LRRC4C: variants seen among roughly 807,000 people sequenced by gnomAD.
The protein encoded by LRRC4C is leucine rich repeat containing 4C.
In LRRC4C, 5 loss-of-function variants were observed where a neutral mutation model predicts 33.6. The observed-to-expected ratio is 0.15, with a 90% CI of 0.08 to 0.31. The LOEUF (loss-of-function observed/expected upper bound fraction) is 0.31. Among genes scored for constraint, LRRC4C ranks in the 10% least tolerant of loss-of-function variants. The pLI is 1.00. For synonymous variants in LRRC4C, 329 were observed against 302.0 expected (o/e 1.09, Z -0.93); for missense variants, 560 against 796.7 (o/e 0.70, Z 3.58).
intron 1 of LRRC4C, among the ~76,000 whole-genome samples, chr11:41,263,158 T>C (rs1412468947): frequency 6.6e-6 from 1 of 152,198 alleles, no homozygotes; most frequent in Non-Finnish European, 1.5e-5. Context: ...TAACCAAAAC[T>C]GTTGGTTTGA....
At chr11:40,617,322 G>A (rs1371981101) in intron 3 of LRRC4C, among the ~76,000 whole-genome samples, 2 of 151,662 alleles carry the variant, frequency 1.3e-5, no homozygotes, top group Non-Finnish European at 3.0e-5. Flanking sequence ...TAGGTCTAAA[G>A]AATTCCATAT....
Position 40,299,570 on chromosome 11 carries a change from T to C in LRRC4C, c.-176+20058A>G, listed in dbSNP as rs141279638. 3.3e-5 allele frequency among the ~76,000 whole-genome samples: 5 copies of C among 152,382 alleles called. No homozygotes were observed. In the East Asian group the frequency reaches 9.6e-4, roughly 29 times the overall value. ...TTTGTAATGCATAGGAAAAGATTCA[T>C]AGTTTAAATACAAAAATAGTTCTTG... On this transcript the variant is annotated intron_variant, in intron 4 of 6. Transcript: ENST00000528697.
chr11:41,306,021 T>TA lies in LRRC4C; in HGVS notation c.-496+153409dup, dbSNP rs1158183443. ...CCCTGGGCCCCCTTATTTCTTTCTC[T>TA]AAAAAAAAAAAAAAAAAAAGAAAGA... On this transcript the variant is annotated intron_variant, in intron 1 of 6. Coordinates refer to ENST00000528697, the MANE Select transcript of LRRC4C (RefSeq NM_001258419.2). Among the ~76,000 whole-genome samples the TA allele has an allele frequency of 5.2e-3, 573 of 110,398 alleles. 5 individuals carry two copies. Among genetic ancestry groups the TA allele is most frequent in the African/African-American group, 9.4e-3 (318 of 33,738 alleles). The allele number at this position is 110,398 out of a possible 152,430, so 72.4% of individuals were successfully genotyped here. A position where few individuals can be genotyped will look rare whatever the true frequency, so the allele number is the denominator to read the frequency against.
At chr11:40,867,310 T>C (rs1027463355) in intron 2 of LRRC4C, among the ~76,000 whole-genome samples, 1 of 152,312 alleles carries the variant, frequency 6.6e-6, no homozygotes, top group Admixed American at 6.5e-5. Flanking sequence ...AGATGAGGGC[T>C]TGACTTCAAT....
chr11:41,111,775 A>C (rs1941844249), intron 1 of LRRC4C, among the ~76,000 whole-genome samples: 1 of 152,020 alleles, frequency 6.6e-6, no homozygotes, highest in Non-Finnish European at 1.5e-5. Context: ...TTCCCTGTCT[A>C]GATTTTACAT....
intron 1 of LRRC4C, among the ~76,000 whole-genome samples, chr11:41,143,420 A>C (rs952306686): frequency 6.6e-6 from 1 of 152,144 alleles, no homozygotes; most frequent in African/African-American, 2.4e-5. Context: ...AAATAAACAA[A>C]GAAAAACAAA....
intron 2 of LRRC4C, among the ~76,000 whole-genome samples, chr11:40,671,944 C>G (rs1944144741): frequency 6.6e-6 from 1 of 152,044 alleles, no homozygotes; most frequent in Non-Finnish European, 1.5e-5. Context: ...ACTTAGTAAA[C>G]AATTGGTTGA....
At chr11:40,296,272 G>A (rs1046230439) in intron 4 of LRRC4C, among the ~76,000 whole-genome samples, 67 of 152,058 alleles carry the variant, frequency 4.4e-4, no homozygotes, top group African/African-American at 1.5e-3. Context: ...CCTTGAATTC[G>A]TCACATGGCT....
intron 3 of LRRC4C, among the ~76,000 whole-genome samples, chr11:40,490,796 A>G (rs1001040490): frequency 3.3e-5 from 5 of 152,172 alleles, no homozygotes; most frequent in African/African-American, 1.2e-4. Context: ...ACTTCTCAGG[A>G]TTATTTTAAA....
rs189006616 is a variant in LRRC4C, at chr11:40,209,992, A to G, written c.-96+31527T>C. 1.6e-4 allele frequency among the ~76,000 whole-genome samples: 24 copies of G among 152,310 alleles called. No homozygotes were observed. The East Asian group carries it at 4.1e-3, about 26-fold the overall frequency. On this transcript the variant is annotated intron_variant, in intron 5 of 6. Coordinates refer to ENST00000528697, the MANE Select transcript of LRRC4C (RefSeq NM_001258419.2). ...GTAGTACATCACACACTTGGATAGT[A>G]CAGGATCCTTTAGGAAGAGATGTGA...
At chr11:40,519,702 C>A (rs1955727604) in intron 3 of LRRC4C, among the ~76,000 whole-genome samples, 2 of 152,128 alleles carry the variant, frequency 1.3e-5, no homozygotes, top group African/African-American at 4.8e-5. Context: ...AAAGGATTCA[C>A]CATTCTAGGG....
chr11:40,382,525 T>C (rs1271799619), intron 3 of LRRC4C, among the ~76,000 whole-genome samples: 1 of 151,118 alleles, frequency 6.6e-6, no homozygotes, highest in Non-Finnish European at 1.5e-5. Context: ...CAACCCTCTT[T>C]ATTTATTATT....
At chr11:41,280,803 G>A (rs747151424) in intron 1 of LRRC4C, among the ~76,000 whole-genome samples, 8 of 151,900 alleles carry the variant, frequency 5.3e-5, no homozygotes, top group Non-Finnish European at 1.2e-4. Context: ...GAAAAGGCAG[G>A]GAAATCTAAT....
chr11:40,615,086 T>C (rs530824503), intron 3 of LRRC4C, among the ~76,000 whole-genome samples: 3 of 151,200 alleles, frequency 2.0e-5, no homozygotes, highest in Non-Finnish European at 4.4e-5. Flanking sequence ...TTTGTAAAAA[T>C]TGCAAAATAT....
chr11:40,362,015 G>A (rs1316405688), intron 3 of LRRC4C, among the ~76,000 whole-genome samples: 3 of 152,068 alleles, frequency 2.0e-5, no homozygotes, highest in African/African-American at 4.8e-5. Flanking sequence ...AATGGGGAAA[G>A]GATTCCCTAT....
intron 1 of LRRC4C, among the ~76,000 whole-genome samples, chr11:41,095,467 G>C (rs916992596): frequency 6.6e-6 from 1 of 152,144 alleles, no homozygotes; most frequent in Admixed American, 6.6e-5. Context: ...AAACATGTAA[G>C]TCTCTTTCAC....
chr11:40,424,953 A>G (rs1056719733), intron 3 of LRRC4C, among the ~76,000 whole-genome samples: 5 of 152,224 alleles, frequency 3.3e-5, no homozygotes, highest in African/African-American at 4.8e-5. Flanking sequence ...AAGCAATCTT[A>G]GAAAACAGAT....
At chr11:41,264,535 T>C (rs1486418646) in intron 1 of LRRC4C, among the ~76,000 whole-genome samples, 1 of 152,118 alleles carries the variant, frequency 6.6e-6, no homozygotes, top group East Asian at 1.9e-4. Context: ...GTCACATACA[T>C]ACACATGTAC....
In LRRC4C at chr11:40,241,588, A is replaced by T. The variant is rs1407945530; in HGVS notation, c.-165T>A. 1 of 152,064 alleles carries T rather than the reference A, an allele frequency of 6.6e-6. No individual in the cohort carries two copies. Among genetic ancestry groups the T allele is most frequent in the Non-Finnish European group, 1.5e-5 (1 of 68,016 alleles). 9.4% of individuals were successfully genotyped at this position (152,064 alleles called of 1,614,324 possible). A position where few individuals can be genotyped will look rare whatever the true frequency, so the allele number is the denominator to read the frequency against. ...GGCCAGTCCCTTCTTTCTCACTCTC[A>T]GTTTCTTGCTCTGCAAAATGAGGTG... On this transcript the variant is annotated 5_prime_UTR_variant, in exon 5 of 7. Transcript: ENST00000528697.
Sources: allele counts gnomAD v4.1 joint callset (sites outside exome capture counted in the v4.1 genomes callset), GRCh38; gene constraint gnomAD v4.1.1; transcripts MANE v1.5; gene names NCBI Gene and HGNC (gene_info 2026-07-23, HGNC 2026-07-21).